Variants in NVL observed in about 807,000 individuals in gnomAD.
NVL encodes the protein nuclear valosin-containing protein-like.
Under a neutral mutation model 110.2 loss-of-function variants are expected in NVL, and 84 were observed. The observed-to-expected ratio is 0.76, with a 90% CI of 0.64 to 0.91. The LOEUF (loss-of-function observed/expected upper bound fraction) is 0.91, where lower values mean the gene tolerates loss of function less well. Among genes scored for constraint, NVL ranks in the 40% least tolerant of loss-of-function variants. The probability of loss-of-function intolerance (pLI) is 0.00; values close to 1 mark genes in which losing one functional copy is unlikely to be tolerated. For synonymous variants in NVL, 354 were observed against 361.1 expected (o/e 0.98, Z 0.22); for missense variants, 882 against 1,035.9 (o/e 0.85, Z 2.04).
At chr1:224,255,365 T>G (rs1663096240) in intron 18 of NVL, among the ~76,000 whole-genome samples, 1 of 151,836 alleles carries the variant, frequency 6.6e-6, no homozygotes, top group Non-Finnish European at 1.5e-5. Context: ...TAATTTCTTT[T>G]GTATTTTTAG....
intron 18 of NVL, among the ~76,000 whole-genome samples, chr1:224,257,787 A>T (rs1663460171): frequency 6.6e-6 from 1 of 152,040 alleles, no homozygotes; most frequent in Admixed American, 6.6e-5. Context: ...CAATCCTCCC[A>T]TGTTGGCCTC....
chr1:224,313,809 C>T (rs1669790484), intron 4 of NVL, among the ~76,000 whole-genome samples: 1 of 152,152 alleles, frequency 6.6e-6, no homozygotes, highest in African/African-American at 2.4e-5. Context: ...TCGAGACCAG[C>T]CTGGCCAACA....
intron 20 of NVL, among the ~76,000 whole-genome samples, chr1:224,234,185 T>G (rs968934439): frequency 6.6e-6 from 1 of 152,202 alleles, no homozygotes; most frequent in African/African-American, 2.4e-5. Context: ...CCTTCACTTA[T>G]TTAATTAGTT....
intron 18 of NVL, 25 bp downstream of exon 18, chr1:224,268,009 G>A: frequency 6.7e-7 from 1 of 1,500,006 alleles, no homozygotes; most frequent in Non-Finnish European, 9.3e-7. Context: ...AGATTCATCT[G>A]TGTTACAATA....
chr1:224,254,084 T>C (rs189269177), intron 18 of NVL, among the ~76,000 whole-genome samples: 1 of 152,242 alleles, frequency 6.6e-6, no homozygotes, highest in East Asian at 1.9e-4. Context: ...TATATTTAGG[T>C]TGTACAACAT....
intron 18 of NVL, among the ~76,000 whole-genome samples, chr1:224,262,769 GC>G (rs1664118990): frequency 1.3e-5 from 2 of 152,234 alleles, no homozygotes; most frequent in South Asian, 4.1e-4. Context: ...AAAAATGAGG[GC>G]CACTGAATCC....
chr1:224,233,092 G>T, intron 21 of NVL, 109 bp downstream of exon 21: 2 of 839,746 alleles, frequency 2.4e-6, no homozygotes, highest in Non-Finnish European at 3.6e-6. Context: ...TTAGAAAAAC[G>T]TTAGCTTTAA....
intron 6 of NVL, among the ~76,000 whole-genome samples, chr1:224,306,408 A>G (rs1315874315): frequency 6.6e-6 from 1 of 152,040 alleles, no homozygotes; most frequent in Non-Finnish European, 1.5e-5. Flanking sequence ...CTGGGACTAC[A>G]GGCGCCCGCC....
At chr1:224,240,044 C>T (rs1039708066) in intron 19 of NVL, among the ~76,000 whole-genome samples, 14 of 149,444 alleles carry the variant, frequency 9.4e-5, no homozygotes, top group African/African-American at 2.9e-4. Context: ...TACAGGCATG[C>T]GCTACCACGC....
At chr1:224,243,296 C>CAA (rs543624741) in intron 19 of NVL, among the ~76,000 whole-genome samples, 307 of 112,314 alleles carry the variant, frequency 2.7e-3, no homozygotes, top group African/African-American at 9.4e-3. Flanking sequence ...CCTGTTTCTA[C>CAA]AAAAAAAAAA....
chr1:224,272,871 A>T (rs1331963615), intron 17 of NVL, among the ~76,000 whole-genome samples: 1 of 149,372 alleles, frequency 6.7e-6, no homozygotes, highest in Non-Finnish European at 1.5e-5. Context: ...CGTCTCTACT[A>T]AAAATACAAA....
chr1:224,322,284 A>G (rs1247110411), intron 2 of NVL, among the ~76,000 whole-genome samples: 1 of 135,782 alleles, frequency 7.4e-6, no homozygotes, highest in East Asian at 2.1e-4. Context: ...GAATCTTGCT[A>G]TGTTGCCCAG....
chr1:224,245,157 G>A (rs911794828), intron 19 of NVL, among the ~76,000 whole-genome samples: 1 of 152,094 alleles, frequency 6.6e-6, no homozygotes, highest in Admixed American at 6.6e-5. Context: ...AACAATCTGA[G>A]GAATTAAAGT....
intron 1 of NVL, among the ~76,000 whole-genome samples, chr1:224,328,752 A>G (rs924474104): frequency 1.3e-5 from 2 of 152,186 alleles, no homozygotes; most frequent in African/African-American, 4.8e-5. Context: ...AGTATCATTT[A>G]CTGAGATACA....
intron 18 of NVL, among the ~76,000 whole-genome samples, chr1:224,263,037 T>C (rs994213376): frequency 6.6e-6 from 1 of 152,106 alleles, no homozygotes; most frequent in African/African-American, 2.4e-5. Context: ...TAATGGGCAG[T>C]GTTTAAAATT....
chr1:224,250,078 T>G, intron 19 of NVL, 134 bp downstream of exon 19: 1 of 746,294 alleles, frequency 1.3e-6, no homozygotes, highest in Non-Finnish European at 2.1e-6. Context: ...CACCTTCCCT[T>G]TGGGAGATAT....
chr1:224,271,111 T>C (rs1428072437), intron 17 of NVL, among the ~76,000 whole-genome samples: 1 of 152,216 alleles, frequency 6.6e-6, no homozygotes, highest in East Asian at 1.9e-4. Context: ...AATTATTATG[T>C]AAATTCTGCT....
At chr1:224,257,024 G>C in intron 18 of NVL, 1 of 521,802 alleles carries the variant, frequency 1.9e-6, no homozygotes, top group Non-Finnish European at 4.0e-6. Flanking sequence ...AATTATGTCA[G>C]AGACAGAATT....
intron 19 of NVL, among the ~76,000 whole-genome samples, chr1:224,238,286 G>A (rs868217282): frequency 2.6e-5 from 4 of 152,206 alleles, no homozygotes; most frequent in Admixed American, 6.5e-5. Context: ...GCCCGCCTTG[G>A]CCACCCGAAG....
Sources: allele counts gnomAD v4.1 joint callset (sites outside exome capture counted in the v4.1 genomes callset), GRCh38; gene constraint gnomAD v4.1.1; transcripts MANE v1.5; gene names NCBI Gene and HGNC (gene_info 2026-07-23, HGNC 2026-07-21).